The following TRPC4 variants were observed in gnomAD, a reference collection of about 807,000 sequenced individuals.
TRPC4 encodes short transient receptor potential channel 4.
A neutral mutation model predicts 99.4 loss-of-function variants in TRPC4; 49 were observed. The ratio of observed to expected loss-of-function variants is 0.49; its 90% CI spans 0.39 to 0.63. TRPC4 has a LOEUF of 0.63. Among genes scored for constraint, TRPC4 ranks in the 20% least tolerant of loss-of-function variants. The pLI is 0.00. For synonymous variants in TRPC4, 454 were observed against 425.9 expected (o/e 1.07, Z -0.81); for missense variants, 898 against 1,152.9 (o/e 0.78, Z 3.20).
chr13:37,634,687 A>C lies in TRPC4; in HGVS notation c.*2216T>G, dbSNP rs900834795. 6.6e-6 allele frequency among the ~76,000 whole-genome samples: 1 copy of C among 152,098 alleles called. No homozygotes were observed. The highest frequency in any genetic ancestry group is 1.5e-5 in the Non-Finnish European group (1 of 68,002). On this transcript the variant is annotated 3_prime_UTR_variant, in exon 11 of 11. Transcript: ENST00000379705. ...TTATGTATAGTGTCCTTACTTTGGG[A>C]AAAAACAAAATAAAACAACAACGCA...
intron 3 of TRPC4, among the ~76,000 whole-genome samples, chr13:37,695,873 A>C (rs1953887076): frequency 6.6e-6 from 1 of 152,204 alleles, no homozygotes; most frequent in African/African-American, 2.4e-5. Context: ...GAAACATGAA[A>C]ACTCCAAGCC....
chr13:37,812,176 C>CAAAAAAAAAAAAAAAAA (rs61607544), intron 1 of TRPC4, among the ~76,000 whole-genome samples: 9 of 55,158 alleles, frequency 1.6e-4, no homozygotes, highest in African/African-American at 6.3e-4. Context: ...GAGACTCTAT[C>CAAAAAAAAAAAAAAAAA]AAAAAAAAAA....
At chr13:37,696,602 A>G (rs1953912756) in intron 3 of TRPC4, among the ~76,000 whole-genome samples, 1 of 152,172 alleles carries the variant, frequency 6.6e-6, no homozygotes, top group African/African-American at 2.4e-5. Flanking sequence ...GAGAGTCACA[A>G]GGAAGTCTCA....
At chr13:37,867,581 A>C (rs1566236864) in intron 1 of TRPC4, among the ~76,000 whole-genome samples, 1 of 152,080 alleles carries the variant, frequency 6.6e-6, no homozygotes, top group East Asian at 1.9e-4. Flanking sequence ...AGATGTTTAT[A>C]ACTTTGAAAT....
intron 8 of TRPC4, among the ~76,000 whole-genome samples, chr13:37,647,887 C>A (rs1013492084): frequency 3.3e-5 from 5 of 152,128 alleles, no homozygotes; most frequent in Admixed American, 2.6e-4. Flanking sequence ...TCTCAGTTAA[C>A]CCCTCTTTTA....
rs991570101 is a variant in TRPC4 at position 37,635,678 on chromosome 13, A to C, written c.*1225T>G. On this transcript the variant is annotated 3_prime_UTR_variant, in exon 11 of 11. Transcript: ENST00000379705. ...GGCTTAAATAGACACAAGCAATGTA[A>C]AATTTAAGCTTTAAGTTTCTAGTAT... Among the ~76,000 whole-genome samples the C allele has an allele frequency of 6.6e-6, 1 of 152,126 alleles. No homozygotes were observed. The highest frequency in any genetic ancestry group is 2.4e-5 in the African/African-American group (1 of 41,432).
At chr13:37,820,551 C>A (rs1566195861) in intron 1 of TRPC4, among the ~76,000 whole-genome samples, 1 of 151,910 alleles carries the variant, frequency 6.6e-6, no homozygotes, top group African/African-American at 2.4e-5. Flanking sequence ...AAATACTAGC[C>A]AACTGAATCC....
intron 1 of TRPC4, 29 bp from the exon 2 acceptor site, chr13:37,783,389 T>C (rs908570861): frequency 6.1e-6 from 9 of 1,486,388 alleles, no homozygotes; most frequent in Non-Finnish European, 8.0e-6. Context: ...AACACAAAGA[T>C]TAGTGTTAAT....
intron 1 of TRPC4, among the ~76,000 whole-genome samples, chr13:37,810,503 C>T (rs1331842990): frequency 2.0e-5 from 3 of 151,916 alleles, no homozygotes; most frequent in African/African-American, 4.8e-5. Flanking sequence ...AGACACCCAT[C>T]GTTCAAAGGT....
intron 1 of TRPC4, among the ~76,000 whole-genome samples, chr13:37,816,837 A>T (rs1054831042): frequency 2.0e-5 from 3 of 152,088 alleles, no homozygotes; most frequent in Non-Finnish European, 4.4e-5. Flanking sequence ...TTCATATTAA[A>T]TATGCTCAAT....
chr13:37,815,158 C>A (rs1957814043), intron 1 of TRPC4, among the ~76,000 whole-genome samples: 3 of 151,708 alleles, frequency 2.0e-5, no homozygotes, highest in East Asian at 1.9e-4. Flanking sequence ...AAACTTCATA[C>A]AATATGGAAA....
chr13:37,820,135 CA>C (rs1957972607), intron 1 of TRPC4, among the ~76,000 whole-genome samples: 1 of 151,886 alleles, frequency 6.6e-6, no homozygotes, highest in African/African-American at 2.4e-5. Flanking sequence ...CACAGAAATA[CA>C]AAAAATTCCT....
chr13:37,763,026 G>A (rs1303176805), intron 2 of TRPC4, among the ~76,000 whole-genome samples: 1 of 151,422 alleles, frequency 6.6e-6, no homozygotes, highest in Non-Finnish European at 1.5e-5. Context: ...CATTAATAAA[G>A]TAATGCAAGG....
chr13:37,815,430 CCAAA>C (rs1192370106), intron 1 of TRPC4, among the ~76,000 whole-genome samples: 1 of 151,684 alleles, frequency 6.6e-6, no homozygotes. Context: ...GAAAAATCTA[CCAAA>C]CAAACAGAAA....
At chr13:37,671,370 C>A (rs1952834747) in intron 5 of TRPC4, among the ~76,000 whole-genome samples, 1 of 152,064 alleles carries the variant, frequency 6.6e-6, no homozygotes, top group Non-Finnish European at 1.5e-5. Flanking sequence ...TGATTATTAT[C>A]ATCAACTTAC....
intron 2 of TRPC4, among the ~76,000 whole-genome samples, chr13:37,763,624 G>A (rs145948196): frequency 1.2e-4 from 18 of 151,746 alleles, no homozygotes; most frequent in Non-Finnish European, 2.4e-4. Context: ...CTGGCCACCT[G>A]AGTACAAGCA....
chr13:37,839,460 C>T (rs758256416), intron 1 of TRPC4, among the ~76,000 whole-genome samples: 6 of 152,082 alleles, frequency 3.9e-5, no homozygotes, highest in Non-Finnish European at 7.4e-5. Flanking sequence ...AACATGATAT[C>T]AATGAAAAAG....
In TRPC4 at chr13:37,733,054, C is replaced by CT. The variant is rs1329440377; in HGVS notation, c.897+12882dup. 5.3e-5 allele frequency among the ~76,000 whole-genome samples: 8 copies of CT among 152,302 alleles called. No individual in the cohort carries two copies. In the South Asian group the frequency reaches 1.7e-3, roughly 32 times the overall value. On this transcript the variant is annotated intron_variant, in intron 3 of 10. Transcript: ENST00000379705. ...TTGGGATGCCAAGGTGGGTGGATTG[C>CT]TTGAGCTCAGGAGTTTCAGGCCAGC...
intron 3 of TRPC4, among the ~76,000 whole-genome samples, chr13:37,736,344 C>T (rs949252696): frequency 1.3e-5 from 2 of 152,118 alleles, no homozygotes; most frequent in African/African-American, 4.8e-5. Context: ...ATTGAGCATG[C>T]TCTACAGAAC....
Sources: allele counts gnomAD v4.1 joint callset (sites outside exome capture counted in the v4.1 genomes callset), GRCh38; gene constraint gnomAD v4.1.1; transcripts MANE v1.5; gene names NCBI Gene and HGNC (gene_info 2026-07-23, HGNC 2026-07-21).